The following KALRN variants were observed in gnomAD, a reference collection of about 807,000 sequenced individuals.
The protein encoded by KALRN is kalirin.
In KALRN, 70 loss-of-function variants were observed where a neutral mutation model predicts 353.7. The observed-to-expected ratio is 0.20, with a 90% CI of 0.16 to 0.24. KALRN has a LOEUF of 0.24. KALRN is among the 10% of genes least tolerant of loss of function. The pLI, the probability that KALRN is intolerant of heterozygous loss-of-function variation, is 1.00. For synonymous variants in KALRN, 1,391 were observed against 1,434.8 expected, an observed-to-expected ratio of 0.97 and a Z score of 0.69; for missense variants, 2,791 against 3,756.7, an observed-to-expected ratio of 0.74 and a Z score of 6.72.
intron 33 of KALRN, among the ~76,000 whole-genome samples, chr3:124,528,943 T>G (rs1561227983): frequency 6.6e-6 from 1 of 152,206 alleles, no homozygotes; most frequent in Non-Finnish European, 1.5e-5. Flanking sequence ...CCCATATAGG[T>G]CAACCATCTT....
intron 14 of KALRN, among the ~76,000 whole-genome samples, chr3:124,418,331 G>A (rs1486987796): frequency 6.6e-6 from 1 of 152,098 alleles, no homozygotes; most frequent in African/African-American, 2.4e-5. Flanking sequence ...ATCCCTCAGG[G>A]AGGCTTAGTT....
At chr3:124,442,188 G>A (rs760523076) in intron 19 of KALRN, 129 bp downstream of exon 19, 2 of 545,556 alleles carry the variant, frequency 3.7e-6, no homozygotes, top group African/African-American at 3.9e-5. Flanking sequence ...AATGTATGAT[G>A]TGGGATGGTG....
chr3:124,069,192 A>T (rs1253797223), intron 1 of KALRN, among the ~76,000 whole-genome samples: 4 of 152,182 alleles, frequency 2.6e-5, no homozygotes, highest in African/African-American at 4.8e-5. Flanking sequence ...ACTTGCCTAA[A>T]GTCACACAGC....
At chr3:124,117,601 A>G (rs1011722734) in intron 1 of KALRN, among the ~76,000 whole-genome samples, 2 of 152,092 alleles carry the variant, frequency 1.3e-5, no homozygotes, top group African/African-American at 2.4e-5. Flanking sequence ...ATTCTTCCGG[A>G]AGAAGTAGAG....
intron 1 of KALRN, among the ~76,000 whole-genome samples, chr3:124,139,176 A>T (rs1419247709): frequency 6.6e-6 from 1 of 152,114 alleles, no homozygotes; most frequent in East Asian, 1.9e-4. Flanking sequence ...CCTTTGTGAG[A>T]ACCATATCTC....
intron 13 of KALRN, among the ~76,000 whole-genome samples, chr3:124,410,637 G>C (rs1323599680): frequency 6.6e-6 from 1 of 152,204 alleles, no homozygotes; most frequent in Non-Finnish European, 1.5e-5. Context: ...TTAAAACCAT[G>C]ATGAAATAGC....
Position 124,270,529 on chromosome 3 carries a change from TTTTTTAATGCATATCAC to T in KALRN, c.969+1281_969+1297del, listed in dbSNP as rs374947754. Among the ~76,000 whole-genome samples the T allele has an allele frequency of 7.1e-3, 1,089 of 152,310 alleles. 5 individuals carry two copies. The highest frequency in any genetic ancestry group is 0.023 in the African/African-American group (956 of 41,568). On this transcript the variant is annotated intron_variant, in intron 5 of 59. Coordinates refer to ENST00000682506, the MANE Select transcript of KALRN (RefSeq NM_001388419.1). ...TAGTAAAAAAATTAGTATATGCAGT[TTTTTTAATGCATATCAC>T]TTTTTATAGCATATCACTTTTTATA...
chr3:124,444,337 A>G (rs964082871), intron 19 of KALRN, among the ~76,000 whole-genome samples: 1 of 152,238 alleles, frequency 6.6e-6, no homozygotes, highest in African/African-American at 2.4e-5. Flanking sequence ...CTGCAAGTAC[A>G]TTTCAAGGCC....
At chr3:124,067,511 C>T (rs1415190302) in intron 1 of KALRN, among the ~76,000 whole-genome samples, 1 of 152,118 alleles carries the variant, frequency 6.6e-6, no homozygotes, top group Non-Finnish European at 1.5e-5. Context: ...ACCAAAACCA[C>T]CCCCAACAAA....
At chr3:124,515,618 C>T (rs2066447772) in intron 33 of KALRN, among the ~76,000 whole-genome samples, 1 of 152,144 alleles carries the variant, frequency 6.6e-6, no homozygotes, top group Non-Finnish European at 1.5e-5. Flanking sequence ...CCTATGGAAT[C>T]AGAAAGCCAA....
chr3:124,130,457 G>A (rs2149686176), intron 1 of KALRN, among the ~76,000 whole-genome samples: 1 of 152,246 alleles, frequency 6.6e-6, no homozygotes, highest in Non-Finnish European at 1.5e-5. Flanking sequence ...GTCTTTTCCA[G>A]TGATACTTTA....
At chr3:124,152,622 C>T in intron 1 of KALRN, 1 of 587,200 alleles carries the variant, frequency 1.7e-6, no homozygotes, top group Non-Finnish European at 2.9e-6. Flanking sequence ...GAGACAGAGC[C>T]TCTCTCTGTT....
chr3:124,492,805 C>T lies in KALRN; in HGVS notation c.4755C>T (p.Ile1585=), dbSNP rs1349556412. The change falls in exon 32 of 60, where the codon ATC becomes ATT. Residue 1585 remains isoleucine, a synonymous_variant. Coordinates refer to ENST00000682506, the MANE Select transcript of KALRN (RefSeq NM_001388419.1). ...KNIREVIQER[I]IHLKGALKEP... is the part of the protein sequence containing the mutation. Reference sequence around the variant, plus strand: ...TTCGAGAAGTGATTCAAGAAAGGATCATTCACCTGAAAGGAGCTTTAAAGG... The same window carrying T: ...TTCGAGAAGTGATTCAAGAAAGGATTATTCACCTGAAAGGAGCTTTAAAGG... The T allele has an allele frequency of 3.1e-6, 5 of 1,614,070 alleles. No homozygotes were observed. The highest frequency in any genetic ancestry group is 4.2e-6 in the Non-Finnish European group (5 of 1,179,992).
At chr3:124,050,163 C>G (rs950652327) in intron 1 of KALRN, among the ~76,000 whole-genome samples, 1 of 152,186 alleles carries the variant, frequency 6.6e-6, no homozygotes, top group African/African-American at 2.4e-5. Context: ...CAGGGCTGGT[C>G]TGATGACCTC....
In KALRN at chr3:124,111,778, TATA is replaced by T. The variant is rs531668674; in HGVS notation, c.73+77970_73+77972del. On this transcript the variant is annotated intron_variant, in intron 1 of 59. Coordinates refer to ENST00000682506, the MANE Select transcript of KALRN (RefSeq NM_001388419.1). ...AATTTGGGATACTCTGTGTTCAAAA[TATA>T]ATAAATTTATTTAATCAAAAATATT... Among the ~76,000 whole-genome samples the T allele has an allele frequency of 1.6e-3, 240 of 152,320 alleles. 1 individual carries two copies. Among genetic ancestry groups the T allele is most frequent in the Non-Finnish European group, 2.3e-3 (156 of 68,018 alleles).
chr3:124,284,099 A>G (rs555699864), intron 5 of KALRN, among the ~76,000 whole-genome samples: 1 of 152,236 alleles, frequency 6.6e-6, no homozygotes. Flanking sequence ...GGCAGAGACC[A>G]TCAGTTGGTG....
intron 3 of KALRN, among the ~76,000 whole-genome samples, chr3:124,262,917 G>T (rs1348464105): frequency 6.6e-6 from 1 of 152,186 alleles, no homozygotes; most frequent in East Asian, 1.9e-4. Context: ...AGACCCTAAG[G>T]AAATACTATG....
chr3:124,326,048 C>T lies in KALRN; in HGVS notation c.1161C>T (p.Ala387=), dbSNP rs2079875040. ...ASRLSEAGHY[A]SQQIKQISTQ... ...GCCTCTCTGAGGCCGGTCATTATGC[C>T]TCACAACAAATCAAGCAGATCTCCA... Residue 387 remains alanine, a synonymous_variant, in exon 7 of 60, where the codon GCC becomes GCT. Transcript: ENST00000682506. 3.1e-6 allele frequency: 5 copies of T among 1,613,580 alleles called. No individual in the cohort carries two copies. The African/African-American group carries it at 4.0e-5, about 13-fold the overall frequency.
chr3:124,504,445 A>G (rs576931698), intron 33 of KALRN, among the ~76,000 whole-genome samples: 46 of 152,304 alleles, frequency 3.0e-4, no homozygotes, highest in Admixed American at 7.8e-4. Context: ...TCCTTGCAAC[A>G]GAAAGAAAAC....
Sources: allele counts gnomAD v4.1 joint callset (sites outside exome capture counted in the v4.1 genomes callset), GRCh38; gene constraint gnomAD v4.1.1; transcripts MANE v1.5; gene names NCBI Gene and HGNC (gene_info 2026-07-23, HGNC 2026-07-21).